The following ZNF470 variants were observed in gnomAD, a reference collection of about 807,000 sequenced individuals.
ZNF470 encodes zinc finger protein 470.
In ZNF470, 13 loss-of-function variants were observed where a neutral mutation model predicts 13.9. That is an observed-to-expected ratio of 0.94 (90% CI 0.61 to 1.49). ZNF470 has a LOEUF of 1.49. Among genes scored for constraint, ZNF470 ranks in the 40% most tolerant of loss-of-function variants. The pLI, the probability that ZNF470 is intolerant of heterozygous loss-of-function variation, is 0.00. For synonymous variants in ZNF470, 293 were observed against 282.9 expected, an observed-to-expected ratio of 1.04 and a Z score of -0.36; for missense variants, 929 against 857.3, an observed-to-expected ratio of 1.08 and a Z score of -1.04.
Position 56,567,855 on chromosome 19 carries a change from C to T in ZNF470, c.-342C>T. The T allele has an allele frequency of 1.7e-5, 17 of 985,852 alleles. No homozygotes were observed. The highest frequency in any genetic ancestry group is 2.0e-5 in the Non-Finnish European group (17 of 830,328). 61.1% of individuals were successfully genotyped at this position (985,852 alleles called of 1,614,324 possible). On this transcript the variant is annotated 5_prime_UTR_variant, in exon 1 of 6. Transcript: ENST00000330619. Reference sequence around the variant, plus strand: ...GGCCGGAGGAGGCTTACCCCGTTCTCCCCTGTATCGACTGCGTAGAGCCCA... The same window carrying T: ...GGCCGGAGGAGGCTTACCCCGTTCTTCCCTGTATCGACTGCGTAGAGCCCA...
Position 56,577,904 on chromosome 19 carries a change from A to C in ZNF470, c.1475A>C (p.Gln492Pro). 6.2e-7 allele frequency: 1 copy of C among 1,614,062 alleles called. No individual in the cohort carries two copies. Among genetic ancestry groups the C allele is most frequent in the Non-Finnish European group, 8.5e-7 (1 of 1,179,936 alleles). The change falls in exon 6 of 6, where the codon CAG (glutamine) becomes CCG (proline). Residue 492 changes from glutamine to proline, a missense_variant. Physicochemically the swap from Gln to Pro is moderately conservative, Grantham distance 76 (BLOSUM62 -1). Coordinates refer to ENST00000330619, the MANE Select transcript of ZNF470 (RefSeq NM_001001668.4). The stretch of plus-strand genomic sequence containing the variant: ...AAAGAATGTGGGAAAGCTTTCCGGC[A>C]GAGCACGCATCTGGCTCATCATCAG... ...ECKECGKAFR[Q>P]STHLAHHQRI...
Position 56,578,099 on chromosome 19 carries a change from G to A in ZNF470, c.1670G>A (p.Arg557Lys). 1 of 1,614,040 alleles carries A rather than the reference G, an allele frequency of 6.2e-7. No homozygotes were observed. The highest frequency in any genetic ancestry group is 8.5e-7 in the Non-Finnish European group (1 of 1,179,948). Residue 557 changes from arginine (R) to lysine (K), a missense_variant, in exon 6 of 6, where the codon AGA (arginine) becomes AAA (lysine). Coordinates refer to ENST00000330619, the MANE Select transcript of ZNF470 (RefSeq NM_001001668.4). ...ATTGCACACCTTGTTCAGCACCAGA[G>A]AGTTCATACTGGTGAGAAGCCTTAC... ...SQIAHLVQHQ[R>K]VHTGEKPYEC...
chr19:56,575,035 C>A (rs972008379), intron 5 of ZNF470, among the ~76,000 whole-genome samples: 3 of 152,160 alleles, frequency 2.0e-5, no homozygotes, highest in African/African-American at 4.8e-5. Flanking sequence ...TTTAGACAAG[C>A]TGATGTTTAG....
chr19:56,567,968 G>A lies in ZNF470; in HGVS notation c.-229G>A. On this transcript the variant is annotated 5_prime_UTR_variant, in exon 1 of 6. Transcript: ENST00000330619. ...TTCCTGTCAGCCCTATCTGGAAGGGGCAGAGCCCAGGACAGGGCTCCATGT... is the reference window on the plus strand; with the variant it reads ...TTCCTGTCAGCCCTATCTGGAAGGGACAGAGCCCAGGACAGGGCTCCATGT... 1 of 985,754 alleles carries A rather than the reference G, an allele frequency of 1.0e-6. No homozygotes were observed. Among genetic ancestry groups the A allele is most frequent in the Non-Finnish European group, 1.2e-6 (1 of 830,188 alleles). The allele number at this position is 985,754 out of a possible 1,614,324, so 61.1% of individuals were successfully genotyped here.
chr19:56,574,320 GC>G, intron 3 of ZNF470, 73 bp from the exon 4 acceptor site: 1 of 1,606,002 alleles, frequency 6.2e-7, no homozygotes, highest in Non-Finnish European at 8.5e-7. Flanking sequence ...AGTGAGAACA[GC>G]ATAACTCTTT....
rs564257842 is a variant in ZNF470, at chr19:56,580,717, A to T, written c.*2134A>T. On this transcript the variant is annotated 3_prime_UTR_variant, in exon 6 of 6. Coordinates refer to ENST00000330619, the MANE Select transcript of ZNF470 (RefSeq NM_001001668.4). ...TTATCCAGAGTACATGACTGCTAGA[A>T]AATGGAGTTTGGGGCTCCCTCTTCA... 15 of 363,132 alleles carry T rather than the reference A, an allele frequency of 4.1e-5. No individual in the cohort carries two copies. The South Asian group carries it at 1.7e-3, about 41-fold the overall frequency. The allele number at this position is 363,132 out of a possible 1,614,324, so 22.5% of individuals were successfully genotyped here.
At position 56,581,577 on chromosome 19, in the gene ZNF470, T is replaced by A. The variant is rs2044536451; in HGVS notation, c.*2994T>A. 2 of 796,178 alleles carry A rather than the reference T, an allele frequency of 2.5e-6. No homozygotes were observed. Among genetic ancestry groups the A allele is most frequent in the Non-Finnish European group, 3.0e-6 (2 of 657,754 alleles). 49.3% of individuals were successfully genotyped at this position (796,178 alleles called of 1,614,324 possible). A position where few individuals can be genotyped will look rare whatever the true frequency, so the allele number is the denominator to read the frequency against. ...GAATTATGCAGCTGTTGAAAAAAAA[T>A]CAATGTGTGTAGTCATAGAAAGATA... On this transcript the variant is annotated 3_prime_UTR_variant, in exon 6 of 6. Coordinates refer to ENST00000330619, the MANE Select transcript of ZNF470 (RefSeq NM_001001668.4).
chr19:56,577,338 G>A lies in ZNF470; in HGVS notation c.909G>A (p.Gln303=). Residue 303 remains glutamine (Q), a synonymous_variant, in exon 6 of 6, where the codon CAG becomes CAA. Coordinates refer to ENST00000330619, the MANE Select transcript of ZNF470 (RefSeq NM_001001668.4). ...FSQNAHLVQH[Q]RVHTGEKPYQ... ...AGAATGCTCATCTTGTTCAACACCA[G>A]AGAGTTCATACTGGAGAGAAACCTT... 1 of 1,613,864 alleles carries A rather than the reference G, an allele frequency of 6.2e-7. No individual in the cohort carries two copies. The highest frequency in any genetic ancestry group is 8.5e-7 in the Non-Finnish European group (1 of 1,179,886).
chr19:56,568,172 G>T, intron 1 of ZNF470, 134 bp downstream of exon 1: 1 of 950,140 alleles, frequency 1.1e-6, no homozygotes, highest in Non-Finnish European at 1.3e-6. Flanking sequence ...CGAAAGATTT[G>T]GAGGGTCACC....
rs1160056305 is a variant in ZNF470 at position 56,580,449 on chromosome 19, C to G, written c.*1866C>G. 1 of 152,342 alleles carries G rather than the reference C, an allele frequency of 6.6e-6. No individual in the cohort carries two copies. Among genetic ancestry groups the G allele is most frequent in the Non-Finnish European group, 1.5e-5 (1 of 68,224 alleles). 9.4% of individuals were successfully genotyped at this position (152,342 alleles called of 1,614,324 possible). On this transcript the variant is annotated 3_prime_UTR_variant, in exon 6 of 6. Coordinates refer to ENST00000330619, the MANE Select transcript of ZNF470 (RefSeq NM_001001668.4). ...CATCAGCAGAAGTGAAGAGGGAGCCCCAAAGTTCCACTTAAAGTGTACAAC... is the reference window on the plus strand; with the variant it reads ...CATCAGCAGAAGTGAAGAGGGAGCCGCAAAGTTCCACTTAAAGTGTACAAC...
chr19:56,574,757 A>G (rs752116209), intron 5 of ZNF470, 24 bp downstream of exon 5: 3 of 1,591,854 alleles, frequency 1.9e-6, no homozygotes, highest in Admixed American at 3.4e-5. Context: ...ACCTAGAGAT[A>G]AAGGAACTGT....
At chr19:56,571,223 A>T (rs576750121) in intron 3 of ZNF470, among the ~76,000 whole-genome samples, 1 of 152,346 alleles carries the variant, frequency 6.6e-6, no homozygotes, top group East Asian at 1.9e-4. Flanking sequence ...TTCTAGGTTG[A>T]ATACCATAAT....
Position 56,577,051 on chromosome 19 carries a change from A to G in ZNF470, c.622A>G (p.Ser208Gly). Reference protein sequence around the residue: ...RIFNFHTDKKSLKTHSVVKKH... With the variant: ...RIFNFHTDKKGLKTHSVVKKH... ...ATTTAATTTTCATACAGATAAGAAA[A>G]GCTTAAAAACACATTCAGTTGTGAA... The change falls in exon 6 of 6, where the codon AGC (serine) becomes GGC (glycine). Residue 208 changes from serine (S) to glycine (G), a missense_variant. Physicochemically the swap from Ser to Gly is moderately conservative, Grantham distance 56. Transcript: ENST00000330619. 1 of 1,588,732 alleles carries G rather than the reference A, an allele frequency of 6.3e-7. No individual in the cohort carries two copies. Among genetic ancestry groups the G allele is most frequent in the Non-Finnish European group, 8.5e-7 (1 of 1,172,076 alleles).
At chr19:56,570,739 TCTG>T (rs1384285186) in intron 3 of ZNF470, among the ~76,000 whole-genome samples, 1 of 152,134 alleles carries the variant, frequency 6.6e-6, no homozygotes, top group Non-Finnish European at 1.5e-5. Flanking sequence ...GAGGTTATAA[TCTG>T]CTGGAGAAAT....
chr19:56,577,629 T>G lies in ZNF470; in HGVS notation c.1200T>G (p.Ile400Met). 1 of 1,613,926 alleles carries G rather than the reference T, an allele frequency of 6.2e-7. No individual in the cohort carries two copies. Residue 400 changes from isoleucine to methionine, a missense_variant, in exon 6 of 6, where the codon ATT becomes ATG. Ile to Met is a conservative substitution (Grantham distance 10, BLOSUM62 1). Coordinates refer to ENST00000330619, the MANE Select transcript of ZNF470 (RefSeq NM_001001668.4). ...CTGGAGAGAAACCCTTTGACTGTAT[T>G]GATTGTGGGAAGGCTTTCACTGATC... ...YHTGEKPFDCIDCGKAFTDHI... is the reference protein window; with the variant it reads ...YHTGEKPFDCMDCGKAFTDHI...
rs968118753 is a variant in ZNF470 at position 56,568,739 on chromosome 19, A to G, written c.-158-19A>G. ...TTCACAACATTATGAAGTAGGAACTACTTACCTCTTTTTTACAGATGAAGA... is the reference window on the plus strand; with the variant it reads ...TTCACAACATTATGAAGTAGGAACTGCTTACCTCTTTTTTACAGATGAAGA... On this transcript the variant is annotated intron_variant, in intron 1 of 5. Coordinates refer to ENST00000330619, the MANE Select transcript of ZNF470 (RefSeq NM_001001668.4). 1 of 152,208 alleles carries G rather than the reference A, an allele frequency of 6.6e-6. No individual in the cohort carries two copies. Among genetic ancestry groups the G allele is most frequent in the African/African-American group, 2.4e-5 (1 of 41,444 alleles). 9.4% of individuals were successfully genotyped at this position (152,208 alleles called of 1,614,324 possible).
At position 56,582,340 on chromosome 19, in the gene ZNF470, C is replaced by CA. The variant is rs879831855; in HGVS notation, c.*3765dup. ...AGCTCTTGAATTTCTAGCATTAAGG[C>CA]AAAAAAAATTCACCTAAGGGATTTT... On this transcript the variant is annotated 3_prime_UTR_variant, in exon 6 of 6. Coordinates refer to ENST00000330619, the MANE Select transcript of ZNF470 (RefSeq NM_001001668.4). 28 of 984,070 alleles carry CA rather than the reference C, an allele frequency of 2.8e-5. No individual in the cohort carries two copies. Among genetic ancestry groups the CA allele is most frequent in the Middle Eastern group, 5.2e-4 (1 of 1,914 alleles). The allele number at this position is 984,070 out of a possible 1,614,324, so 61.0% of individuals were successfully genotyped here.
intron 5 of ZNF470, among the ~76,000 whole-genome samples, 155 bp downstream of exon 5, chr19:56,574,888 C>G (rs1362394809): frequency 1.3e-5 from 2 of 152,228 alleles, no homozygotes; most frequent in East Asian, 1.9e-4. Flanking sequence ...ACTAGTGTAA[C>G]TTGCCTCCTT....
intron 3 of ZNF470, among the ~76,000 whole-genome samples, chr19:56,572,272 G>A (rs1167873925): frequency 1.5e-5 from 2 of 136,598 alleles, no homozygotes; most frequent in African/African-American, 5.9e-5. Context: ...GGGAGGCTGA[G>A]GCGGGTGGAT....
Sources: gnomAD v4.1 joint callset for allele counts (sites outside exome capture counted in the v4.1 genomes callset) on GRCh38, gnomAD v4.1.1 for gene constraint, MANE v1.5 for transcripts, NCBI Gene and HGNC (gene_info 2026-07-23, HGNC 2026-07-21) for gene names.